The following ESRRG variants were observed in gnomAD, a reference collection of about 807,000 sequenced individuals.
ESRRG encodes estrogen-related receptor gamma.
A neutral mutation model predicts 44.0 loss-of-function variants in ESRRG; 13 were observed. That is an observed-to-expected ratio of 0.30 (90% CI 0.19 to 0.47). The LOEUF (loss-of-function observed/expected upper bound fraction) is 0.47, where lower values mean the gene tolerates loss of function less well. Ranked by LOEUF, ESRRG falls within the 20% of genes least tolerant of loss-of-function variation. The pLI is 1.00. For synonymous variants in ESRRG, 215 were observed against 214.6 expected (o/e 1.00, Z -0.02); for missense variants, 395 against 580.6 (o/e 0.68, Z 3.29).
intron 1 of ESRRG, among the ~76,000 whole-genome samples, chr1:217,054,153 G>A (rs917619379): frequency 2.0e-5 from 3 of 152,088 alleles, no homozygotes; most frequent in South Asian, 2.1e-4. Context: ...CAAAACATGG[G>A]TATTTTTCTA....
At chr1:216,846,215 T>G (rs1024514635) in intron 2 of ESRRG, among the ~76,000 whole-genome samples, 2 of 152,204 alleles carry the variant, frequency 1.3e-5, no homozygotes, top group Non-Finnish European at 2.9e-5. Flanking sequence ...CTTATTATAT[T>G]GTGAAAATAT....
rs533635781 is a variant in ESRRG at position 216,666,529 on chromosome 1, A to G, written c.472+10547T>C. Reference sequence around the variant, plus strand: ...ACTTGGTTCTGGGTTAAGGGAGCACAAGGAGGAATGAAGGAAAGCTATTAG... The same window carrying G: ...ACTTGGTTCTGGGTTAAGGGAGCACGAGGAGGAATGAAGGAAAGCTATTAG... On this transcript the variant is annotated intron_variant, in intron 2 of 6. Transcript: ENST00000408911. Among the ~76,000 whole-genome samples the G allele has an allele frequency of 1.1e-3, 160 of 152,326 alleles. 1 individual carries two copies. The highest frequency in any genetic ancestry group is 3.6e-3 in the African/African-American group (151 of 41,590).
At chr1:216,880,257 A>G (rs1398299591) in intron 2 of ESRRG, among the ~76,000 whole-genome samples, 2 of 140,892 alleles carry the variant, frequency 1.4e-5, no homozygotes, top group Non-Finnish European at 3.0e-5. Flanking sequence ...CAGTGTGCCA[A>G]GATTGTGCCA....
Position 216,687,240 on chromosome 1 carries a change from T to C in ESRRG, c.57-9749A>G, listed in dbSNP as rs375643772. On this transcript the variant is annotated intron_variant, in intron 1 of 6. Coordinates refer to ENST00000408911, the MANE Select transcript of ESRRG (RefSeq NM_001438.4). The stretch of plus-strand genomic sequence containing the variant: ...GGGAATGGGACTCTTGGTTTTTTCC[T>C]AGAAATGGTTCTGCTTTTGCTCATT... 2.2e-4 allele frequency among the ~76,000 whole-genome samples: 34 copies of C among 152,170 alleles called. No individual in the cohort carries two copies. The East Asian group carries it at 5.2e-3, about 23-fold the overall frequency.
At chr1:216,515,592 T>A (rs2818960) in intron 6 of ESRRG, among the ~76,000 whole-genome samples, 1 of 152,032 alleles carries the variant, frequency 6.6e-6, no homozygotes, top group Admixed American at 6.5e-5. Context: ...ATAACCAAAT[T>A]GTTATTTGTA....
At position 217,080,843 on chromosome 1, in the gene ESRRG, AATTTTTTGT is replaced by A. The variant is rs2091701905; in HGVS notation, c.-106+8655_-106+8663del. Among the ~76,000 whole-genome samples the A allele has an allele frequency of 4.0e-5, 6 of 151,616 alleles. No homozygotes were observed. In the South Asian group the frequency reaches 1.3e-3, roughly 32 times the overall value. ...CAGGCGCCCGCCATCATGACCAGTT[AATTTTTTGT>A]ATTTTTAGTGGAGACGGGGTTTCAC... On this transcript the variant is annotated intron_variant, in intron 1 of 7. Transcript: ENST00000359162.
intron 2 of ESRRG, among the ~76,000 whole-genome samples, chr1:216,877,072 C>T (rs909367906): frequency 6.6e-6 from 1 of 151,186 alleles, no homozygotes; most frequent in Admixed American, 6.6e-5. Flanking sequence ...ACAATATTTG[C>T]CCTAATGAAA....
At chr1:217,071,567 G>GA (rs2090565267) in intron 1 of ESRRG, among the ~76,000 whole-genome samples, 1 of 152,158 alleles carries the variant, frequency 6.6e-6, no homozygotes, top group African/African-American at 2.4e-5. Context: ...ACTATTATGT[G>GA]AAAACTAAAA....
intron 2 of ESRRG, among the ~76,000 whole-genome samples, chr1:216,737,693 A>C (rs1277313741): frequency 2.0e-5 from 3 of 152,124 alleles, no homozygotes; most frequent in African/African-American, 7.2e-5. Flanking sequence ...CTGGCTGTAC[A>C]GACTGTTGGC....
chr1:216,751,326 T>A (rs1430601596), intron 2 of ESRRG, among the ~76,000 whole-genome samples: 1 of 152,150 alleles, frequency 6.6e-6, no homozygotes, highest in African/African-American at 2.4e-5. Flanking sequence ...GCAAAAGAGA[T>A]GAAGGGACAA....
Position 216,505,702 on chromosome 1 carries a change from T to A in ESRRG, c.*1237A>T, listed in dbSNP as rs1029102810. 3 of 152,640 alleles carry A rather than the reference T, an allele frequency of 2.0e-5. No homozygotes were observed. The highest frequency in any genetic ancestry group is 4.8e-5 in the African/African-American group (2 of 41,454). The allele number at this position is 152,640 out of a possible 1,614,324, so 9.5% of individuals were successfully genotyped here. On this transcript the variant is annotated 3_prime_UTR_variant, in exon 7 of 7. Transcript: ENST00000408911. Reference sequence around the variant, plus strand: ...ACTCAGAGTCACTGTAGGTGTAATCTCATCCTTTGTGTCAGTGAACATTTA... The same window carrying A: ...ACTCAGAGTCACTGTAGGTGTAATCACATCCTTTGTGTCAGTGAACATTTA...
intron 5 of ESRRG, among the ~76,000 whole-genome samples, chr1:216,535,825 G>A (rs1432362374): frequency 6.6e-6 from 1 of 151,948 alleles, no homozygotes; most frequent in African/African-American, 2.4e-5. Flanking sequence ...CTGTTTATCT[G>A]TCTTTTTCCC....
chr1:216,553,046 C>T lies in ESRRG; in HGVS notation c.862+11173G>A, dbSNP rs78695183. ...TAGGTATGCAAATCTGTGCTGAGGA[C>T]ACCCTGCCACTGGGTTTTGCCATGA... On this transcript the variant is annotated intron_variant, in intron 5 of 6. Transcript: ENST00000408911. Among the ~76,000 whole-genome samples the T allele has an allele frequency of 1.8e-3, 271 of 152,130 alleles. 7 individuals carry two copies. In the East Asian group the frequency reaches 0.046, roughly 26 times the overall value.
chr1:216,915,340 G>A (rs1054002593), intron 2 of ESRRG, among the ~76,000 whole-genome samples: 2 of 152,136 alleles, frequency 1.3e-5, no homozygotes, highest in African/African-American at 4.8e-5. Context: ...GCATCTGTTG[G>A]TTGGCATGAA....
chr1:217,035,119 A>G (rs1487841920), intron 1 of ESRRG, among the ~76,000 whole-genome samples: 1 of 152,124 alleles, frequency 6.6e-6, no homozygotes, highest in South Asian at 2.1e-4. Context: ...CCTGAGTTTC[A>G]TCATTGTTGA....
At chr1:216,951,355 A>G (rs539470674) in intron 1 of ESRRG, among the ~76,000 whole-genome samples, 1 of 152,194 alleles carries the variant, frequency 6.6e-6, no homozygotes, top group African/African-American at 2.4e-5. Flanking sequence ...CACTTTCTTG[A>G]CTGCTTAAAA....
chr1:217,042,473 AACACAC>A lies in ESRRG; in HGVS notation c.-106+47028_-106+47033del, dbSNP rs140559927. On this transcript the variant is annotated intron_variant, in intron 1 of 7. Transcript: ENST00000359162. The stretch of plus-strand genomic sequence containing the variant: ...AAATGCACACACACATACACACACA[AACACAC>A]ACACACACACACACACACACACACA... Among the ~76,000 whole-genome samples, 874 of 139,040 alleles carry A rather than the reference AACACAC, an allele frequency of 6.3e-3. 6 individuals carry two copies. Among genetic ancestry groups the A allele is most frequent in the African/African-American group, 0.013 (505 of 37,760 alleles). The allele number at this position is 139,040 out of a possible 152,430, so 91.2% of individuals were successfully genotyped here.
intron 1 of ESRRG, among the ~76,000 whole-genome samples, chr1:216,681,175 G>T (rs1046794264): frequency 2.6e-5 from 4 of 152,148 alleles, no homozygotes; most frequent in Non-Finnish European, 5.9e-5. Flanking sequence ...TGAACAGGGA[G>T]CAAGACCAGC....
At chr1:217,010,197 A>T (rs2078368442) in intron 1 of ESRRG, among the ~76,000 whole-genome samples, 1 of 152,134 alleles carries the variant, frequency 6.6e-6, no homozygotes, top group Non-Finnish European at 1.5e-5. Flanking sequence ...AGTCATTAAC[A>T]CAATTTCTGA....
Sources: allele counts gnomAD v4.1 joint callset (sites outside exome capture counted in the v4.1 genomes callset), GRCh38; gene constraint gnomAD v4.1.1; transcripts MANE v1.5; gene names NCBI Gene and HGNC (gene_info 2026-07-23, HGNC 2026-07-21).